MST1: variants seen among roughly 807,000 people sequenced by gnomAD.
MST1 encodes the protein hepatocyte growth factor-like protein.
A neutral mutation model predicts 100.1 loss-of-function variants in MST1; 76 were observed. The observed-to-expected ratio is 0.76, with a 90% CI of 0.63 to 0.92. MST1 has a LOEUF of 0.92. Among genes scored for constraint, MST1 ranks in the 40% least tolerant of loss-of-function variants. MST1 has a pLI of 0.00. For synonymous variants in MST1, 352 were observed against 385.4 expected, an observed-to-expected ratio of 0.91 and a Z score of 1.01; for missense variants, 850 against 990.0, an observed-to-expected ratio of 0.86 and a Z score of 1.90.
Position 49,688,786 on chromosome 3 carries a change from A to T in MST1, c.-95T>A. ...CTGGACCCTGACCTGAGACCTGGTG[A>T]CAGGAGCCATGAGGGGCCAGGCCTC... On this transcript the variant is annotated 5_prime_UTR_variant, in exon 1 of 18. Transcript: ENST00000449682. 1 of 1,013,166 alleles carries T rather than the reference A, an allele frequency of 9.9e-7. No individual in the cohort carries two copies. Among genetic ancestry groups the T allele is most frequent in the Non-Finnish European group, 1.4e-6 (1 of 691,312 alleles). The allele number at this position is 1,013,166 out of a possible 1,614,324, so 62.8% of individuals were successfully genotyped here. A position where few individuals can be genotyped will look rare whatever the true frequency, so the allele number is the denominator to read the frequency against.
intron 7 of MST1, 87 bp from the exon 8 acceptor site, chr3:49,686,568 G>C (rs957338212): frequency 7.7e-6 from 12 of 1,566,252 alleles, no homozygotes; most frequent in African/African-American, 2.7e-5. Context: ...CCAGGTGTAC[G>C]GTACTCCACG....
chr3:49,685,508 T>C lies in MST1; in HGVS notation c.1388-2A>G. ...GGATTGATGGCGGCTGGTCATCAGCTGAAAGACAAAGTTCACTGGGGTTAA... is the reference window on the plus strand; with the variant it reads ...GGATTGATGGCGGCTGGTCATCAGCCGAAAGACAAAGTTCACTGGGGTTAA... On this transcript the variant is annotated splice_acceptor_variant, in intron 11 of 17. Coordinates refer to ENST00000449682, the MANE Select transcript of MST1 (RefSeq NM_020998.4). LOFTEE classifies it high-confidence loss of function. The C allele has an allele frequency of 1.9e-6, 3 of 1,613,448 alleles. No individual in the cohort carries two copies. The highest frequency in any genetic ancestry group is 2.5e-6 in the Non-Finnish European group (3 of 1,179,838).
chr3:49,688,108 T>C (rs1461691361), intron 1 of MST1: 3 of 719,680 alleles, frequency 4.2e-6, no homozygotes, highest in Non-Finnish European at 6.8e-6. Flanking sequence ...TTGGTAGTTA[T>C]CACCGGTGCC....
rs1452458548 is a variant in MST1 at position 49,686,935 on chromosome 3, G to T, written c.728+12C>A. 2.5e-6 allele frequency: 4 copies of T among 1,611,574 alleles called. No individual in the cohort carries two copies. Among genetic ancestry groups the T allele is most frequent in the African/African-American group, 1.3e-5 (1 of 75,032 alleles). On this transcript the variant is annotated intron_variant, in intron 6 of 17. Coordinates refer to ENST00000449682, the MANE Select transcript of MST1 (RefSeq NM_020998.4). Reference sequence around the variant, plus strand: ...GCCCGGCCCCCAGGACGCCGATACCGCCTACGCGTACTTGCCCGGCTCGAA... The same window carrying T: ...GCCCGGCCCCCAGGACGCCGATACCTCCTACGCGTACTTGCCCGGCTCGAA...
chr3:49,684,518 G>C (rs1323830891), intron 16 of MST1, 32 bp downstream of exon 16: 2 of 1,613,474 alleles, frequency 1.2e-6, no homozygotes, highest in African/African-American at 2.7e-5. Flanking sequence ...GGGCCTCCTG[G>C]CCACCAGCAG....
At position 49,685,476 on chromosome 3, in the gene MST1, G is replaced by T; in HGVS notation, c.1418C>A (p.Pro473His). Residue 473 changes from proline (P) to histidine (H), a missense_variant, in exon 12 of 18, where the codon CCC (proline) becomes CAC (histidine). This residue lies in a region of MST1 where 816 missense variants were observed against 924.6 expected (regional missense o/e 0.88). Coordinates refer to ENST00000449682, the MANE Select transcript of MST1 (RefSeq NM_020998.4). The stretch of plus-strand genomic sequence containing the variant: ...TAACTGGCCCAACTCCTAACCTGGG[G>T]GGTCCAGGATTGATGGCGGCTGGTC... ...ADDQPPSILD[P>H]PDQVQFEKCG... 1.2e-6 allele frequency: 2 copies of T among 1,613,682 alleles called. No individual in the cohort carries two copies. Among genetic ancestry groups the T allele is most frequent in the Non-Finnish European group, 1.7e-6 (2 of 1,179,868 alleles).
In MST1 at chr3:49,684,831, G is replaced by T. The variant is rs144858656; in HGVS notation, c.1676C>A (p.Pro559Gln). 3.5e-4 allele frequency: 570 copies of T among 1,613,464 alleles called. 2 individuals carry two copies. Among genetic ancestry groups the T allele is most frequent in the Middle Eastern group, 5.0e-4 (3 of 6,056 alleles). Residue 559 changes from proline to glutamine, a missense_variant, in exon 15 of 18, where the codon CCA becomes CAA. By Grantham distance (76) the Pro-to-Gln change is moderately conservative. Transcript: ENST00000449682. ...EVWLGTLFQN[P>Q]QHGEPSLQRV... is the part of the protein sequence containing the mutation. The stretch of plus-strand genomic sequence containing the variant: ...CTGTAGGCTTGGCTCTCCATGCTGT[G>T]GGTTCTGGAACAGGGTGCCCAACCA...
At chr3:49,687,307 A>G in intron 4 of MST1, 22 bp from the exon 5 acceptor site, 1 of 1,613,450 alleles carries the variant, frequency 6.2e-7, no homozygotes, top group Non-Finnish European at 8.5e-7. Context: ...GAGCATCACT[A>G]TAGTGTGTGC....
chr3:49,688,079 C>G (rs2108160963), intron 1 of MST1, 182 bp from the exon 2 acceptor site: 3 of 1,025,862 alleles, frequency 2.9e-6, no homozygotes, highest in Non-Finnish European at 4.2e-6. Context: ...AAAATTTCCC[C>G]TGGGAAGCAG....
chr3:49,686,323 A>G lies in MST1; in HGVS notation c.1006T>C (p.Tyr336His). 1 of 1,347,066 alleles carries G rather than the reference A, an allele frequency of 7.4e-7. No individual in the cohort carries two copies. The highest frequency in any genetic ancestry group is 2.1e-5 in the Admixed American group (1 of 46,956). 83.4% of individuals were successfully genotyped at this position (1,347,066 alleles called of 1,614,324 possible). A position where few individuals can be genotyped will look rare whatever the true frequency, so the allele number is the denominator to read the frequency against. Residue 336 changes from tyrosine to histidine, a missense_variant, in exon 8 of 18, where the codon TAC (tyrosine) becomes CAC (histidine). This residue lies in a region of MST1 where 816 missense variants were observed against 924.6 expected (regional missense o/e 0.88). Transcript: ENST00000449682. ...PHQHRFTPEK[Y>H]ACKDLRENFC... is the part of the protein sequence containing the mutation. ...CCCCCCCCACCTCACTTGCACGCGTATTTTTCTGGCGTAAATCGGTGCTGA... is the reference window on the plus strand; with the variant it reads ...CCCCCCCCACCTCACTTGCACGCGTGTTTTTCTGGCGTAAATCGGTGCTGA...
Position 49,686,756 on chromosome 3 carries a change from C to G in MST1, c.775G>C (p.Gly259Arg), listed in dbSNP as rs1328030015. 6.2e-7 allele frequency: 1 copy of G among 1,608,526 alleles called. No individual in the cohort carries two copies. The highest frequency in any genetic ancestry group is 2.2e-5 in the East Asian group (1 of 44,752). The change falls in exon 7 of 18, where the codon GGC (glycine) becomes CGC (arginine). Residue 259 changes from glycine to arginine, a missense_variant. Transcript: ENST00000449682. ...LDDNYCRNPD[G>R]SERPWCYTTD... ...GTGTAGCACCATGGCCGCTCGGAGC[C>G]GTCAGGATTCCGGCAATAGTTGTCG...
chr3:49,686,278 C>A (rs754653151), intron 8 of MST1, 35 bp downstream of exon 8: 58 of 1,573,164 alleles, frequency 3.7e-5, no homozygotes, highest in Non-Finnish European at 4.2e-5. Context: ...CCCGCAGCAG[C>A]ACGTCCCAAC....
chr3:49,687,820 C>G lies in MST1; in HGVS notation c.172G>C (p.Gly58Arg). Residue 58 changes from glycine (G) to arginine (R), a missense_variant, in exon 2 of 18, where the codon GGG becomes CGG. Gly to Arg is a moderately radical substitution (Grantham distance 125, BLOSUM62 -2). Transcript: ENST00000449682. ...TCTGCCACATCCTCCTGCCAAGGCC[C>G]GGGCACCACCGCATGTAGCAGGTGC... ...LQHLLHAVVPGPWQEDVADAE... is the reference protein window; with the variant it reads ...LQHLLHAVVPRPWQEDVADAE... 2 of 1,613,620 alleles carry G rather than the reference C, an allele frequency of 1.2e-6. No individual in the cohort carries two copies. Among genetic ancestry groups the G allele is most frequent in the East Asian group, 2.2e-5 (1 of 44,890 alleles).
chr3:49,685,833 G>A, intron 10 of MST1, 27 bp downstream of exon 10: 1 of 1,612,180 alleles, frequency 6.2e-7, no homozygotes, highest in Non-Finnish European at 8.5e-7. Context: ...TAGGGCCCTG[G>A]CGGGGCCGGG....
Position 49,685,363 on chromosome 3 carries a change from C to G in MST1, c.1443G>C (p.Lys481Asn), listed in dbSNP as rs147499927. 1.2e-6 allele frequency: 2 copies of G among 1,613,712 alleles called. No homozygotes were observed. The highest frequency in any genetic ancestry group is 2.7e-5 in the African/African-American group (2 of 75,054). ...LDPPDQVQFEKCGKRVDRLDQ... is the reference protein window; with the variant it reads ...LDPPDQVQFENCGKRVDRLDQ... ...CCAGCCGATCCACCCTCTTGCCACA[C>G]TTCTCAAACTGCACCTGGTCTGTAG... The change falls in exon 13 of 18, where the codon AAG (lysine) becomes AAC (asparagine). Residue 481 changes from lysine (K) to asparagine (N), a missense_variant. Around this residue, in one of 2 missense-constraint regions of MST1, gnomAD observed 816 missense variants for 924.6 expected, o/e 0.88. Coordinates refer to ENST00000449682, the MANE Select transcript of MST1 (RefSeq NM_020998.4).
In MST1 at chr3:49,684,159, T is replaced by C. The variant is rs141594671; in HGVS notation, c.2047A>G (p.Thr683Ala). 1.1e-4 allele frequency: 185 copies of C among 1,613,052 alleles called. No homozygotes were observed. The highest frequency in any genetic ancestry group is 1.5e-4 in the Non-Finnish European group (180 of 1,179,776). Residue 683 changes from threonine to alanine, a missense_variant, in exon 18 of 18, where the codon ACC becomes GCC. Physicochemically the swap from Thr to Ala is moderately conservative, Grantham distance 58. Transcript: ENST00000449682. ...CCTTCCAGGACCCAGCAGTTGTGGG[T>C]AAAGCAGGCAAGTGGGCCCCCGTAG... Reference protein sequence around the residue: ...GDYGGPLACFTHNCWVLEGII... With the variant: ...GDYGGPLACFAHNCWVLEGII...
intron 7 of MST1, 53 bp downstream of exon 7, chr3:49,686,631 G>A: frequency 1.9e-6 from 3 of 1,548,238 alleles, no homozygotes; most frequent in Non-Finnish European, 2.6e-6. Flanking sequence ...GCCAAGCCAC[G>A]CCCCTCCCCA....
Position 49,685,585 on chromosome 3 carries a change from C to T in MST1, c.1387+11G>A. On this transcript the variant is annotated intron_variant, in intron 11 of 17. Transcript: ENST00000449682. ...AGGCAGGGTCATGGGGGAAGCGTCA[C>T]TAGTGCTCACCGCAGCGTCGCAGGG... 6.2e-7 allele frequency: 1 copy of T among 1,613,340 alleles called. No individual in the cohort carries two copies. Among genetic ancestry groups the T allele is most frequent in the Middle Eastern group, 1.7e-4 (1 of 6,056 alleles).
At position 49,686,132 on chromosome 3, in the gene MST1, T is replaced by C. The variant is rs1350676246; in HGVS notation, c.1077A>G (p.Thr359=). ...AGGCCGCGCGCATGCCGGGCCGCAG[T>C]GTGAAGCACCAGGGCGCCTCTGAGC... The part of the protein sequence containing the change: ...PDGSEAPWCF[T]LRPGMRAAFC... The change falls in exon 9 of 18, where the codon ACA becomes ACG. Residue 359 remains threonine (T), a synonymous_variant. Coordinates refer to ENST00000449682, the MANE Select transcript of MST1 (RefSeq NM_020998.4). The C allele has an allele frequency of 6.2e-6, 10 of 1,611,120 alleles. No homozygotes were observed. In the East Asian group the frequency reaches 1.6e-4, roughly 25 times the overall value.
Sources: allele counts gnomAD v4.1 joint callset, GRCh38; gene constraint gnomAD v4.1.1; regional missense constraint gnomAD v4.1.1; transcripts MANE v1.5; gene names NCBI Gene and HGNC (gene_info 2026-07-23, HGNC 2026-07-21).